NFASC: variants seen among roughly 807,000 people sequenced by gnomAD.
NFASC encodes the protein neurofascin, also known as neurofascin homolog.
NFASC carries 43 observed loss-of-function variants against 147.5 expected under a neutral mutation model. That is an observed-to-expected ratio of 0.29 (90% CI 0.23 to 0.38). NFASC has a LOEUF of 0.38. Ranked by LOEUF, NFASC falls within the 10% of genes least tolerant of loss-of-function variation. The probability of loss-of-function intolerance (pLI) is 1.00; values close to 1 mark genes in which losing one functional copy is unlikely to be tolerated. For synonymous variants in NFASC, 622 were observed against 665.5 expected (o/e 0.93, Z 1.01); for missense variants, 1,320 against 1,689.0 (o/e 0.78, Z 3.83).
intron 24 of NFASC, among the ~76,000 whole-genome samples, chr1:204,994,308 A>G (rs1022694018): frequency 2.0e-5 from 3 of 152,230 alleles, no homozygotes; most frequent in Non-Finnish European, 4.4e-5. Flanking sequence ...GGAGGGGACA[A>G]TGCAGTGTAG....
At position 204,904,565 on chromosome 1, in the gene NFASC, A is replaced by C. The variant is rs184529822; in HGVS notation, c.-199-16067A>C. Among the ~76,000 whole-genome samples the C allele has an allele frequency of 8.1e-3, 1,237 of 152,326 alleles. 51 individuals carry two copies. Among genetic ancestry groups the C allele is most frequent in the Admixed American group, 0.072 (1,102 of 15,298 alleles). On this transcript the variant is annotated intron_variant, in intron 1 of 29. Transcript: ENST00000339876. ...CATGGCTGTGAAGGGATTAGAATGT[A>C]GATATCTCTGTGACCTTAAAGAGAT...
intron 1 of NFASC, among the ~76,000 whole-genome samples, chr1:204,892,983 T>G (rs1410041372): frequency 6.6e-6 from 1 of 152,216 alleles, no homozygotes; most frequent in East Asian, 1.9e-4. Flanking sequence ...AGATGAATGT[T>G]GTTAGGAAGC....
At position 204,986,776 on chromosome 1, in the gene NFASC, T is replaced by C. The variant is rs1310283111; in HGVS notation, c.2471-642T>C. The C allele has an allele frequency of 6.5e-6, 1 of 154,542 alleles. No homozygotes were observed. The highest frequency in any genetic ancestry group is 1.4e-5 in the Non-Finnish European group (1 of 69,622). 9.6% of individuals were successfully genotyped at this position (154,542 alleles called of 1,614,324 possible). On this transcript the variant is annotated intron_variant, in intron 21 of 29. Transcript: ENST00000339876. This position sits in a 1 kb window ranked among gnomAD's most constrained non-coding sequence, Gnocchi z 4.2. The stretch of plus-strand genomic sequence containing the variant: ...CCTCCGTTTCTCCTCCCTCCCTCTT[T>C]AATTGTTATTTTCCCCATTTTTCCT...
chr1:205,019,215 G>C lies in NFASC; in HGVS notation c.*2676G>C, dbSNP rs920796503. ...AAGAGGAGGGTGCATTTTCCATGGA[G>C]CCCATGTCAGAGTCCACTCCAGCTC... On this transcript the variant is annotated 3_prime_UTR_variant, in exon 30 of 30. Transcript: ENST00000339876. 6.6e-6 allele frequency: 1 copy of C among 152,338 alleles called. No homozygotes were observed. The highest frequency in any genetic ancestry group is 1.5e-5 in the Non-Finnish European group (1 of 68,122). The allele number at this position is 152,338 out of a possible 1,614,324, so 9.4% of individuals were successfully genotyped here.
At chr1:204,893,951 A>G (rs1370629437) in intron 1 of NFASC, among the ~76,000 whole-genome samples, 1 of 152,238 alleles carries the variant, frequency 6.6e-6, no homozygotes, top group East Asian at 1.9e-4. Flanking sequence ...AAGGACATTA[A>G]TGACCTCTCA....
intron 23 of NFASC, chr1:204,990,476 C>T (rs535322355): frequency 2.0e-5 from 3 of 151,700 alleles, no homozygotes; most frequent in East Asian, 1.9e-4. Flanking sequence ...GTTCTGCAGC[C>T]CCAGGGGACA....
intron 2 of NFASC, among the ~76,000 whole-genome samples, chr1:204,932,684 C>G (rs1442355927): frequency 6.6e-6 from 1 of 152,196 alleles, no homozygotes; most frequent in Non-Finnish European, 1.5e-5. Flanking sequence ...TGCTTTCACA[C>G]TGCGAAGGTA....
intron 1 of NFASC, among the ~76,000 whole-genome samples, chr1:204,861,589 A>G (rs894716087): frequency 1.3e-5 from 2 of 152,144 alleles, no homozygotes; most frequent in African/African-American, 4.8e-5. Flanking sequence ...TTCAGGGTTC[A>G]CGCCATTCTC....
intron 1 of NFASC, among the ~76,000 whole-genome samples, chr1:204,835,491 A>C (rs1226619731): frequency 6.6e-6 from 1 of 151,948 alleles, no homozygotes; most frequent in African/African-American, 2.4e-5. Flanking sequence ...AGCCTCCCAA[A>C]GTGTTGGGAT....
At chr1:204,938,372 T>G (rs1172013996) in intron 2 of NFASC, among the ~76,000 whole-genome samples, 1 of 152,232 alleles carries the variant, frequency 6.6e-6, no homozygotes, top group Non-Finnish European at 1.5e-5. Flanking sequence ...AGCTGACATT[T>G]TTTAAGCATT....
At chr1:204,946,145 C>T (rs545722584) in intron 3 of NFASC, among the ~76,000 whole-genome samples, 2 of 152,294 alleles carry the variant, frequency 1.3e-5, no homozygotes, top group South Asian at 2.1e-4. Flanking sequence ...GTCCCTGGGA[C>T]GACCCCCACC....
chr1:204,881,776 C>T (rs1218200819), intron 1 of NFASC, among the ~76,000 whole-genome samples: 2 of 152,148 alleles, frequency 1.3e-5, no homozygotes, highest in Non-Finnish European at 2.9e-5. Context: ...CTGAACCTTC[C>T]GCTAGGCCTA....
chr1:204,928,105 T>C (rs1387137145), intron 2 of NFASC, among the ~76,000 whole-genome samples: 2 of 152,188 alleles, frequency 1.3e-5, no homozygotes, highest in Non-Finnish European at 2.9e-5. Context: ...TGCTAATCTT[T>C]GTATGGCAGG....
At position 204,979,703 on chromosome 1, in the gene NFASC, T is replaced by A. The variant is rs2095476115; in HGVS notation, c.2176+144T>A. 2.7e-6 allele frequency: 2 copies of A among 730,528 alleles called. No individual in the cohort carries two copies. The highest frequency in any genetic ancestry group is 4.9e-6 in the Non-Finnish European group (2 of 410,482). 45.3% of individuals were successfully genotyped at this position (730,528 alleles called of 1,614,324 possible). On this transcript the variant is annotated intron_variant, in intron 19 of 29. Transcript: ENST00000339876. This position sits in a 1 kb window ranked among gnomAD's most constrained non-coding sequence, Gnocchi z 6.0. ...TCATCTGTGAGGCAGAGAGTAATAA[T>A]AACACCTACATCACAGAGCTGTTGT...
chr1:204,925,029 C>T (rs967450466), intron 2 of NFASC, among the ~76,000 whole-genome samples: 2 of 152,184 alleles, frequency 1.3e-5, no homozygotes, highest in African/African-American at 4.8e-5. Flanking sequence ...GTGCCCGCCA[C>T]ATGGCTGGCT....
At chr1:204,900,881 T>C (rs968567185) in intron 1 of NFASC, among the ~76,000 whole-genome samples, 1 of 152,160 alleles carries the variant, frequency 6.6e-6, no homozygotes, top group African/African-American at 2.4e-5. Context: ...CTTGCTATGT[T>C]GTCCAGGCTG....
At chr1:204,917,772 C>G (rs1184841987) in intron 1 of NFASC, among the ~76,000 whole-genome samples, 2 of 152,110 alleles carry the variant, frequency 1.3e-5, no homozygotes, top group Non-Finnish European at 2.9e-5. Flanking sequence ...TTTGGTATGA[C>G]AGTATGTTTA....
At chr1:204,969,731 A>T (rs1055228687) in intron 10 of NFASC, among the ~76,000 whole-genome samples, 1 of 152,162 alleles carries the variant, frequency 6.6e-6, no homozygotes, top group Admixed American at 6.5e-5. Context: ...AGAAAAATCC[A>T]CATTTCCACA....
chr1:204,965,659 T>G (rs1216650514), intron 8 of NFASC, among the ~76,000 whole-genome samples: 1 of 152,142 alleles, frequency 6.6e-6, no homozygotes, highest in Non-Finnish European at 1.5e-5. Flanking sequence ...TAAAACATAG[T>G]GGAAGAGTTT....
Sources: allele counts gnomAD v4.1 joint callset (sites outside exome capture counted in the v4.1 genomes callset), GRCh38; gene constraint gnomAD v4.1.1; non-coding constraint Gnocchi (gnomAD v3.1); transcripts MANE v1.5; gene names NCBI Gene and HGNC (gene_info 2026-07-23, HGNC 2026-07-21).